The following TGFA variants were observed in gnomAD, a reference collection of about 807,000 sequenced individuals.
The protein encoded by TGFA is protransforming growth factor alpha.
A neutral mutation model predicts 21.7 loss-of-function variants in TGFA; 12 were observed. That is an observed-to-expected ratio of 0.55 (90% confidence interval 0.35 to 0.90). TGFA has a LOEUF of 0.90. Among genes scored for constraint, TGFA ranks in the 40% least tolerant of loss-of-function variants. The pLI is 0.01. For synonymous variants in TGFA, 79 were observed against 88.1 expected, an observed-to-expected ratio of 0.90 and a Z score of 0.58; for missense variants, 178 against 210.8, an observed-to-expected ratio of 0.84 and a Z score of 0.96.
intron 1 of TGFA, among the ~76,000 whole-genome samples, chr2:70,537,849 G>A (rs1673019193): frequency 6.6e-6 from 1 of 152,176 alleles, no homozygotes; most frequent in South Asian, 2.1e-4. Context: ...GATGAAGGTG[G>A]CTACTCTGCA....
intron 2 of TGFA, among the ~76,000 whole-genome samples, chr2:70,492,531 G>C (rs556488373): frequency 6.6e-6 from 1 of 152,184 alleles, no homozygotes; most frequent in African/African-American, 2.4e-5. Context: ...TAAGTGACTT[G>C]TCTAAGGATG....
intron 2 of TGFA, among the ~76,000 whole-genome samples, chr2:70,498,522 G>A (rs1370739454): frequency 5.3e-5 from 8 of 152,164 alleles, no homozygotes; most frequent in African/African-American, 1.9e-4. Context: ...GACAAGGAAT[G>A]AGTTTTTTCT....
chr2:70,521,021 C>T (rs1574128244), intron 1 of TGFA, among the ~76,000 whole-genome samples: 1 of 152,096 alleles, frequency 6.6e-6, no homozygotes, highest in South Asian at 2.1e-4. Context: ...CCTGCTGTTA[C>T]TGCCCCAATT....
At chr2:70,536,512 C>T (rs941140802) in intron 1 of TGFA, among the ~76,000 whole-genome samples, 7 of 152,142 alleles carry the variant, frequency 4.6e-5, no homozygotes, top group Admixed American at 2.6e-4. Context: ...TCTCAGACCA[C>T]GATGGAAATA....
chr2:70,545,419 T>G (rs1163085895), intron 1 of TGFA, among the ~76,000 whole-genome samples: 1 of 152,172 alleles, frequency 6.6e-6, no homozygotes, highest in Non-Finnish European at 1.5e-5. Context: ...CCAGATCTTA[T>G]AATTTTACAA....
chr2:70,470,804 T>C (rs1333133943), intron 2 of TGFA, among the ~76,000 whole-genome samples: 2 of 152,168 alleles, frequency 1.3e-5, no homozygotes, highest in African/African-American at 4.8e-5. Context: ...GCAGAGAGGA[T>C]GAAGGGAGCT....
At chr2:70,544,121 C>T (rs1673218745) in intron 1 of TGFA, among the ~76,000 whole-genome samples, 1 of 151,876 alleles carries the variant, frequency 6.6e-6, no homozygotes. Context: ...ATTTTAACAT[C>T]ATAAAGAATA....
intron 2 of TGFA, among the ~76,000 whole-genome samples, chr2:70,480,272 G>T (rs1367322230): frequency 6.6e-6 from 1 of 152,128 alleles, no homozygotes; most frequent in Non-Finnish European, 1.5e-5. Context: ...TTAAGGCATT[G>T]GCAGGATCCA....
At chr2:70,543,528 A>C (rs1028374758) in intron 1 of TGFA, among the ~76,000 whole-genome samples, 5 of 44,058 alleles carry the variant, frequency 1.1e-4, no homozygotes, top group African/African-American at 4.1e-4. Flanking sequence ...TCTGTCTCAA[A>C]AAAAAAAAAA....
At chr2:70,500,496 AATGT>A (rs1375745507) in intron 2 of TGFA, among the ~76,000 whole-genome samples, 1 of 152,196 alleles carries the variant, frequency 6.6e-6, no homozygotes, top group Non-Finnish European at 1.5e-5. Context: ...TTAATGGCAA[AATGT>A]ACTTTTGGAG....
chr2:70,521,618 T>TTTC (rs1491526300), intron 1 of TGFA, among the ~76,000 whole-genome samples: 1 of 8,164 alleles, frequency 1.2e-4, no homozygotes, highest in Non-Finnish European at 4.0e-4. Context: ...TGTTTGTTTG[T>TTTC]TTTTTTTTTT....
chr2:70,512,036 G>A (rs79768588), intron 2 of TGFA, among the ~76,000 whole-genome samples: 2,505 of 151,312 alleles, frequency 0.017, 76 homozygotes, highest in African/African-American at 0.057. Flanking sequence ...AGAGTGGGTG[G>A]GATGGGGTGG....
intron 2 of TGFA, among the ~76,000 whole-genome samples, chr2:70,499,248 G>T (rs1671666723): frequency 6.6e-6 from 1 of 152,186 alleles, no homozygotes; most frequent in South Asian, 2.1e-4. Context: ...TCTCCTTGGA[G>T]CTAGGTATGG....
chr2:70,493,912 A>C (rs189538609), intron 2 of TGFA, among the ~76,000 whole-genome samples: 1 of 152,206 alleles, frequency 6.6e-6, no homozygotes, highest in South Asian at 2.1e-4. Flanking sequence ...TTCCAAATGC[A>C]TTAGTTTCCC....
At chr2:70,553,466 A>C in intron 1 of TGFA, 1 of 1,399,210 alleles carries the variant, frequency 7.1e-7, no homozygotes, top group East Asian at 2.6e-5. Context: ...GCCCGTTCAC[A>C]CTCCGCTTCC....
intron 1 of TGFA, among the ~76,000 whole-genome samples, chr2:70,521,613 GTT>G (rs59567780): frequency 1.4e-5 from 1 of 74,052 alleles, no homozygotes; most frequent in African/African-American, 4.2e-5. Flanking sequence ...GTTGTTGTTT[GTT>G]TGTTTTTTTT....
rs553078684 is a variant in TGFA, at chr2:70,481,542, C to T, written c.95-15806G>A. 1.5e-4 allele frequency among the ~76,000 whole-genome samples: 23 copies of T among 152,286 alleles called. No homozygotes were observed. The East Asian group carries it at 4.2e-3, about 28-fold the overall frequency. ...TCTGGGTCTTTGTGGTCCTAAACTC[C>T]CCTTGACATCCAGCCTCCAAGGTAG... On this transcript the variant is annotated intron_variant, in intron 2 of 5. Coordinates refer to ENST00000295400, the MANE Select transcript of TGFA (RefSeq NM_003236.4).
intron 1 of TGFA, among the ~76,000 whole-genome samples, chr2:70,552,490 A>G (rs1375444814): frequency 6.6e-6 from 1 of 152,230 alleles, no homozygotes; most frequent in African/African-American, 2.4e-5. Flanking sequence ...CAATTCTTCA[A>G]AAATGTGGGG....
intron 1 of TGFA, among the ~76,000 whole-genome samples, chr2:70,550,968 G>A (rs1311657125): frequency 1.3e-5 from 2 of 152,200 alleles, no homozygotes; most frequent in Non-Finnish European, 2.9e-5. Flanking sequence ...GAATGGTAAA[G>A]AGCATGGAGA....
Sources: gnomAD v4.1 joint callset for allele counts (sites outside exome capture counted in the v4.1 genomes callset) on GRCh38, gnomAD v4.1.1 for gene constraint, MANE v1.5 for transcripts, NCBI Gene and HGNC (gene_info 2026-07-23, HGNC 2026-07-21) for gene names.